Variants in AOPEP observed in about 807,000 individuals in gnomAD.
AOPEP encodes the protein aminopeptidase O (putative).
In AOPEP, 77 loss-of-function variants were observed where a neutral mutation model predicts 98.1. That is an observed-to-expected ratio of 0.78 (90% confidence interval 0.65 to 0.95). The LOEUF is 0.95. Ranked by LOEUF, AOPEP falls within the 40% of genes least tolerant of loss-of-function variation. The pLI is 0.00. For missense variants in AOPEP, 1,024 were observed against 1,024.7 expected, an observed-to-expected ratio of 1.00 and a Z score of 0.01; for synonymous variants, 346 against 365.3, an observed-to-expected ratio of 0.95 and a Z score of 0.60.
chr9:94,970,305 T>C (rs1239899004), intron 10 of AOPEP, among the ~76,000 whole-genome samples: 3 of 152,092 alleles, frequency 2.0e-5, no homozygotes, highest in South Asian at 2.1e-4. Context: ...CTTCTTTATG[T>C]TGGGAACATT....
intron 5 of AOPEP, among the ~76,000 whole-genome samples, chr9:94,801,528 T>C (rs900925052): frequency 1.3e-5 from 2 of 152,188 alleles, no homozygotes; most frequent in African/African-American, 4.8e-5. Flanking sequence ...TCCCTACTGC[T>C]AGAAAAACAG....
intron 5 of AOPEP, among the ~76,000 whole-genome samples, chr9:94,832,413 C>T (rs541999893): frequency 2.6e-5 from 4 of 152,172 alleles, no homozygotes; most frequent in African/African-American, 9.7e-5. Flanking sequence ...AGTTTGACAA[C>T]GTACTCTCTT....
At chr9:95,103,770 C>T in the AOPEP span, among the ~76,000 whole-genome samples, 7 of 152,310 alleles carry the variant, frequency 4.6e-5, no homozygotes, top group East Asian at 1.9e-4. Flanking sequence ...GAGCCCACTG[C>T]GCAGAGCTCA....
In AOPEP at chr9:95,005,428, C is replaced by T. The variant is rs533765174; in HGVS notation, c.2041-114C>T. ...CCGCGGGCGGGCGCGGGTGGCCTCC[C>T]GAGGTGCGGGGAAGACCAGGTCGCG... is the stretch of plus-strand genomic sequence containing the variant. On this transcript the variant is annotated intron_variant, in intron 12 of 16. Transcript: ENST00000375315. 1.5e-5 allele frequency: 17 copies of T among 1,133,204 alleles called. No individual in the cohort carries two copies. In the African/African-American group the frequency reaches 2.0e-4, roughly 13 times the overall value. 70.2% of individuals were successfully genotyped at this position (1,133,204 alleles called of 1,614,324 possible).
chr9:95,010,990 A>G (rs1417082889), intron 13 of AOPEP, among the ~76,000 whole-genome samples: 1 of 150,966 alleles, frequency 6.6e-6, no homozygotes, highest in Non-Finnish European at 1.5e-5. Context: ...TCCCTAATAA[A>G]TAATGTATTA....
intron 13 of AOPEP, among the ~76,000 whole-genome samples, chr9:95,041,926 AAGC>A (rs1159212220): frequency 6.6e-6 from 1 of 152,124 alleles, no homozygotes; most frequent in Non-Finnish European, 1.5e-5. Context: ...ATCATCTATA[AAGC>A]AGCACACTTA....
intron 13 of AOPEP, among the ~76,000 whole-genome samples, chr9:95,041,551 C>T (rs551184670): frequency 6.6e-6 from 1 of 151,662 alleles, no homozygotes; most frequent in Non-Finnish European, 1.5e-5. Flanking sequence ...GAATTGAACA[C>T]AACTCTTCTG....
intron 5 of AOPEP, among the ~76,000 whole-genome samples, chr9:94,815,506 C>T (rs566170609): frequency 4.4e-4 from 67 of 152,230 alleles, no homozygotes; most frequent in African/African-American, 1.5e-3. Context: ...TGGGAGCCGC[C>T]GAGAACCTCG....
At chr9:95,022,767 G>A (rs1486516082) in intron 13 of AOPEP, among the ~76,000 whole-genome samples, 2 of 152,154 alleles carry the variant, frequency 1.3e-5, no homozygotes. Context: ...TACTTCCCAA[G>A]AAGTTTTTTG....
intron 9 of AOPEP, among the ~76,000 whole-genome samples, chr9:94,961,968 A>G (rs1200626470): frequency 6.6e-6 from 1 of 152,126 alleles, no homozygotes; most frequent in Non-Finnish European, 1.5e-5. Flanking sequence ...AACTTGTGCT[A>G]TGCCTGTTTT....
chr9:94,820,156 A>G lies in AOPEP; in HGVS notation c.1364+19154A>G, dbSNP rs55692018. ...AGATGGGGTTTTGCCATGTTGGCCA[A>G]GTTTGTCTCAAACTCCTGACCTCAG... On this transcript the variant is annotated intron_variant, in intron 5 of 16. Transcript: ENST00000375315. Among the ~76,000 whole-genome samples the G allele has an allele frequency of 5.3e-3, 799 of 151,742 alleles. 12 individuals carry two copies. Among genetic ancestry groups the G allele is most frequent in the South Asian group, 0.044 (211 of 4,804 alleles).
intron 2 of AOPEP, 24 bp from the exon 3 acceptor site, chr9:94,772,974 CCTTT>C (rs1841227662): frequency 1.3e-6 from 2 of 1,557,098 alleles, no homozygotes; most frequent in Non-Finnish European, 1.7e-6. Flanking sequence ...AGATTCACCC[CCTTT>C]CTTTCTTTGT....
intron 5 of AOPEP, among the ~76,000 whole-genome samples, chr9:94,918,895 A>T (rs924936788): frequency 4.2e-5 from 6 of 143,292 alleles, no homozygotes; most frequent in East Asian, 2.0e-4. Flanking sequence ...ATGTTTTACT[A>T]TTTTTTTTTT....
intron 5 of AOPEP, among the ~76,000 whole-genome samples, chr9:94,885,464 C>T (rs1019631832): frequency 2.1e-5 from 3 of 145,578 alleles, no homozygotes; most frequent in South Asian, 2.2e-4. Context: ...ACTGAATGCA[C>T]GTGGCTAAAG....
intron 1 of AOPEP, among the ~76,000 whole-genome samples, chr9:94,737,935 G>A (rs1219306281): frequency 6.6e-6 from 1 of 152,128 alleles, no homozygotes; most frequent in African/African-American, 2.4e-5. Context: ...ACTGGGGTTC[G>A]GGCAGTAGAG....
chr9:94,949,379 C>G (rs144062540), intron 7 of AOPEP, among the ~76,000 whole-genome samples: 3 of 152,284 alleles, frequency 2.0e-5, no homozygotes, highest in Admixed American at 1.3e-4. Context: ...CTTTAGCAGC[C>G]GACCCGGGAC....
At chr9:95,130,254 A>C in the AOPEP span, among the ~76,000 whole-genome samples, 1 of 152,100 alleles carries the variant, frequency 6.6e-6, no homozygotes, top group Non-Finnish European at 1.5e-5. Flanking sequence ...TCTCAGGAAG[A>C]AGCATTTCTT....
chr9:95,076,085 T>C (rs1425856595), intron 14 of AOPEP, among the ~76,000 whole-genome samples: 1 of 152,232 alleles, frequency 6.6e-6, no homozygotes, highest in African/African-American at 2.4e-5. Flanking sequence ...ACCTGGCTGG[T>C]GTCCATAATA....
chr9:94,921,345 G>C (rs1248677855), intron 5 of AOPEP: 1 of 152,362 alleles, frequency 6.6e-6, no homozygotes, highest in Non-Finnish European at 1.5e-5. Flanking sequence ...TCCAGGCTGA[G>C]GTAGGAGTGC....
Sources: allele counts gnomAD v4.1 joint callset (sites outside exome capture counted in the v4.1 genomes callset), GRCh38; gene constraint gnomAD v4.1.1; transcripts MANE v1.5; gene names NCBI Gene and HGNC (gene_info 2026-07-23, HGNC 2026-07-21).